Variants in PTPRK observed in about 807,000 individuals in gnomAD.
The protein encoded by PTPRK is receptor-type tyrosine-protein phosphatase kappa.
A neutral mutation model predicts 178.0 loss-of-function variants in PTPRK; 75 were observed. The observed-to-expected ratio is 0.42, with a 90% CI of 0.35 to 0.51. The LOEUF is 0.51. Ranked by LOEUF, PTPRK falls within the 20% of genes least tolerant of loss-of-function variation. The pLI, the probability that PTPRK is intolerant of heterozygous loss-of-function variation, is 0.02. For missense variants in PTPRK, 1,441 were observed against 1,797.8 expected (o/e 0.80, Z 3.59); for synonymous variants, 637 against 620.6 (o/e 1.03, Z -0.39).
At chr6:128,364,626 TAAAC>T (rs1194997591) in intron 2 of PTPRK, among the ~76,000 whole-genome samples, 1 of 151,990 alleles carries the variant, frequency 6.6e-6, no homozygotes, top group South Asian at 2.1e-4. Flanking sequence ...CCAAACAAAT[TAAAC>T]AGACAGATAA....
chr6:128,312,871 T>C (rs17055616), intron 3 of PTPRK, among the ~76,000 whole-genome samples: 13,827 of 152,142 alleles, frequency 0.091, 769 homozygotes, highest in African/African-American at 0.15. Context: ...GTTCTGAGCA[T>C]TCCATGAAGT....
At chr6:128,461,231 C>T (rs1849012852) in intron 1 of PTPRK, among the ~76,000 whole-genome samples, 2 of 147,074 alleles carry the variant, frequency 1.4e-5, no homozygotes, top group Admixed American at 6.8e-5. Flanking sequence ...TTTGTTATTC[C>T]GTGTGTGTGT....
intron 1 of PTPRK, among the ~76,000 whole-genome samples, chr6:128,416,869 T>C (rs531837040): frequency 1.3e-5 from 2 of 151,140 alleles, no homozygotes; most frequent in Non-Finnish European, 2.9e-5. Context: ...TAAGAGTCGG[T>C]GAAGAGCTAA....
intron 2 of PTPRK, among the ~76,000 whole-genome samples, chr6:128,329,571 C>A (rs939221514): frequency 6.6e-6 from 1 of 152,206 alleles, no homozygotes; most frequent in Middle Eastern, 3.4e-3. Flanking sequence ...GTCCAATAAC[C>A]AGGAGAGCCA....
chr6:128,028,053 C>T (rs1439434975), intron 13 of PTPRK: 1 of 152,160 alleles, frequency 6.6e-6, no homozygotes, highest in Non-Finnish European at 1.5e-5. Flanking sequence ...AAATATGATC[C>T]TATCATTGTT....
chr6:128,138,803 T>C (rs1254857996), intron 7 of PTPRK, among the ~76,000 whole-genome samples: 8 of 152,082 alleles, frequency 5.3e-5, no homozygotes. Context: ...AGTGGCAGAA[T>C]AGGAGATAAA....
intron 2 of PTPRK, among the ~76,000 whole-genome samples, chr6:128,352,253 C>CAA (rs10665459): frequency 0.83 from 78,668 of 94,844 alleles, 33,196 homozygotes; most frequent in Middle Eastern, 0.9. Context: ...GACTTCATCT[C>CAA]AAAAAAAAAA....
intron 3 of PTPRK, among the ~76,000 whole-genome samples, chr6:128,259,040 C>A (rs1298162345): frequency 6.6e-6 from 1 of 151,964 alleles, no homozygotes; most frequent in Non-Finnish European, 1.5e-5. Flanking sequence ...AGGAGAAGAG[C>A]CTCAGAGAGG....
intron 3 of PTPRK, among the ~76,000 whole-genome samples, chr6:128,259,028 TGAG>T (rs1451840057): frequency 2.0e-5 from 3 of 152,092 alleles, no homozygotes. Context: ...CAGTCTGCTG[TGAG>T]GAGAAGAGCC....
In PTPRK at chr6:128,347,214, C is replaced by T. The variant is rs142233154; in HGVS notation, c.224-24904G>A. Among the ~76,000 whole-genome samples, 20 of 152,196 alleles carry T rather than the reference C, an allele frequency of 1.3e-4. No homozygotes were observed. The East Asian group carries it at 3.7e-3, about 28-fold the overall frequency. On this transcript the variant is annotated intron_variant, in intron 2 of 29. Coordinates refer to ENST00000368226, the MANE Select transcript of PTPRK (RefSeq NM_002844.4). The stretch of plus-strand genomic sequence containing the variant: ...CTGCAAAAGAAATCTGTGTGATTCA[C>T]CAGCAAGCTTGATGGGATCAGAGGG...
chr6:128,279,360 G>C (rs1821320609), intron 3 of PTPRK, among the ~76,000 whole-genome samples: 1 of 152,086 alleles, frequency 6.6e-6, no homozygotes, highest in Non-Finnish European at 1.5e-5. Flanking sequence ...ATATTGATTT[G>C]TGATGTTTAA....
chr6:128,069,951 A>T lies in PTPRK; in HGVS notation c.1884-2159T>A, dbSNP rs1562527359. On this transcript the variant is annotated intron_variant, in intron 11 of 29. Transcript: ENST00000368226. ...ATGGTCCCATAGAAAATAAAAATCA[A>T]TGCCTTGGGTTGAACTTTCAGATTT... 2.6e-5 allele frequency among the ~76,000 whole-genome samples: 4 copies of T among 152,236 alleles called. No individual in the cohort carries two copies. The South Asian group carries it at 8.3e-4, about 32-fold the overall frequency.
intron 5 of PTPRK, chr6:128,238,298 G>A: frequency 2.9e-6 from 1 of 350,000 alleles, no homozygotes; most frequent in East Asian, 8.1e-5. Context: ...AATGGCAGGA[G>A]GAACATTTTT....
chr6:128,052,211 A>G (rs1779131359), intron 13 of PTPRK, among the ~76,000 whole-genome samples: 1 of 152,042 alleles, frequency 6.6e-6, no homozygotes, highest in African/African-American at 2.4e-5. Context: ...CATGAAGAGT[A>G]AGTGACTGCC....
intron 3 of PTPRK, among the ~76,000 whole-genome samples, chr6:128,268,649 T>A (rs1400755699): frequency 6.6e-6 from 1 of 152,086 alleles, no homozygotes; most frequent in African/African-American, 2.4e-5. Context: ...AAATTATTTT[T>A]AACAATTCAT....
intron 13 of PTPRK, among the ~76,000 whole-genome samples, chr6:128,038,322 G>A (rs976320784): frequency 2.0e-5 from 3 of 151,916 alleles, no homozygotes; most frequent in African/African-American, 7.2e-5. Flanking sequence ...GCAACTTTAA[G>A]TTAACATTTT....
rs1018135060 is a variant in PTPRK at position 127,969,222 on chromosome 6, T to C, written c.*1005A>G. On this transcript the variant is annotated 3_prime_UTR_variant, in exon 30 of 30. Transcript: ENST00000368226. ...TGATGCTTAAAGGCTATGTTCAACA[T>C]TGTGCAAGTTGTCAGCAAGGCCTTT... The C allele has an allele frequency of 6.6e-6, 1 of 152,214 alleles. No individual in the cohort carries two copies. The highest frequency in any genetic ancestry group is 1.5e-5 in the Non-Finnish European group (1 of 68,034). The allele number at this position is 152,214 out of a possible 1,614,324, so 9.4% of individuals were successfully genotyped here.
At chr6:128,034,521 C>T (rs900347778) in intron 13 of PTPRK, among the ~76,000 whole-genome samples, 1 of 152,098 alleles carries the variant, frequency 6.6e-6, no homozygotes, top group African/African-American at 2.4e-5. Context: ...ATACACAGTA[C>T]TGTAAATGTT....
At chr6:128,014,126 C>A (rs1202331417) in intron 13 of PTPRK, among the ~76,000 whole-genome samples, 2 of 151,564 alleles carry the variant, frequency 1.3e-5, no homozygotes, top group Non-Finnish European at 3.0e-5. Context: ...TATAGAAAAT[C>A]AGTTATCTCC....
Sources: allele counts gnomAD v4.1 joint callset (sites outside exome capture counted in the v4.1 genomes callset), GRCh38; gene constraint gnomAD v4.1.1; transcripts MANE v1.5; gene names NCBI Gene and HGNC (gene_info 2026-07-23, HGNC 2026-07-21).